Variants in MAP3K13 observed in about 807,000 individuals in gnomAD.
The protein encoded by MAP3K13 is leucine zipper-bearing kinase.
A neutral mutation model predicts 104.0 loss-of-function variants in MAP3K13; 52 were observed. The ratio of observed to expected loss-of-function variants is 0.50; its 90% CI spans 0.40 to 0.63. MAP3K13 has a LOEUF of 0.63. Ranked by LOEUF, MAP3K13 falls within the 20% of genes least tolerant of loss-of-function variation. MAP3K13 has a pLI of 0.00. For synonymous variants in MAP3K13, 394 were observed against 442.2 expected, an observed-to-expected ratio of 0.89 and a Z score of 1.37; for missense variants, 914 against 1,218.5, an observed-to-expected ratio of 0.75 and a Z score of 3.72.
At chr3:185,468,053 A>T (rs1258106794) in intron 10 of MAP3K13, among the ~76,000 whole-genome samples, 2 of 152,152 alleles carry the variant, frequency 1.3e-5, no homozygotes, top group Non-Finnish European at 2.9e-5. Context: ...CACTATCATG[A>T]GAACAGCACC....
intron 2 of MAP3K13, among the ~76,000 whole-genome samples, chr3:185,298,809 A>T (rs1721002888): frequency 6.6e-6 from 1 of 152,260 alleles, no homozygotes; most frequent in African/African-American, 2.4e-5. Flanking sequence ...GGACAAAAAA[A>T]ACATGTCTAG....
chr3:185,338,288 C>T (rs1312610845), intron 2 of MAP3K13, among the ~76,000 whole-genome samples: 2 of 148,686 alleles, frequency 1.3e-5, no homozygotes, highest in Non-Finnish European at 3.0e-5. Flanking sequence ...CAAGATCGTG[C>T]CATTGCATTC....
intron 7 of MAP3K13, among the ~76,000 whole-genome samples, chr3:185,452,515 G>T (rs935606370): frequency 7.2e-5 from 11 of 152,156 alleles, no homozygotes; most frequent in African/African-American, 2.7e-4. Context: ...GGGATTACAG[G>T]CATGAGCCAT....
intron 7 of MAP3K13, among the ~76,000 whole-genome samples, chr3:185,461,058 G>T (rs777626494): frequency 2.6e-4 from 40 of 152,062 alleles, no homozygotes; most frequent in Admixed American, 5.2e-4. Flanking sequence ...TCATTCTTTC[G>T]CCTCCTAAGG....
At chr3:185,454,968 T>G (rs1310031103) in intron 7 of MAP3K13, among the ~76,000 whole-genome samples, 2 of 67,730 alleles carry the variant, frequency 3.0e-5, no homozygotes, top group African/African-American at 5.3e-5. Flanking sequence ...ATATATGAGA[T>G]ATATATATGA....
intron 2 of MAP3K13, among the ~76,000 whole-genome samples, chr3:185,298,745 A>G (rs1560038436): frequency 6.6e-6 from 1 of 152,216 alleles, no homozygotes; most frequent in Non-Finnish European, 1.5e-5. Flanking sequence ...GTGAAGTGGC[A>G]GAAAGAAAAT....
At chr3:185,415,258 T>G (rs950928841) in intron 1 of MAP3K13, among the ~76,000 whole-genome samples, 3 of 151,736 alleles carry the variant, frequency 2.0e-5, no homozygotes, top group Admixed American at 6.6e-5. Context: ...CTTCAAGAGG[T>G]TCTCATGCCT....
rs889763491 is a variant in MAP3K13 at position 185,379,709 on chromosome 3, G to A, written c.-86+16341G>A. 4.6e-5 allele frequency among the ~76,000 whole-genome samples: 7 copies of A among 152,134 alleles called. 1 individual carries two copies. The highest frequency in any genetic ancestry group is 2.1e-4 in the South Asian group (1 of 4,818). On this transcript the variant is annotated intron_variant, in intron 1 of 13. Coordinates refer to ENST00000265026, the MANE Select transcript of MAP3K13 (RefSeq NM_004721.5). The stretch of plus-strand genomic sequence containing the variant: ...GCTGAGTCTGAAAAAGGAGTCAGCC[G>A]GATTTCTTTTGATGAGTTATACATT...
chr3:185,309,345 A>C lies in MAP3K13; in HGVS notation c.-86+23702A>C, dbSNP rs1424339183. Reference sequence around the variant, plus strand: ...CAACATGGTGAAACCCTGCCTCTACAAAAAGAAAAAATAAATTAGCTGGGT... The same window carrying C: ...CAACATGGTGAAACCCTGCCTCTACCAAAAGAAAAAATAAATTAGCTGGGT... On this transcript the variant is annotated intron_variant, in intron 2 of 14. Coordinates refer to the MAP3K13 transcript ENST00000424227. Among the ~76,000 whole-genome samples the C allele has an allele frequency of 2.0e-5, 3 of 152,058 alleles. No individual in the cohort carries two copies. The East Asian group carries it at 5.8e-4, about 29-fold the overall frequency.
chr3:185,433,987 AT>A (rs140052815), intron 2 of MAP3K13, among the ~76,000 whole-genome samples: 113,848 of 151,730 alleles, frequency 0.75, 44,479 homozygotes, highest in Non-Finnish European at 0.87. Flanking sequence ...GTGGAAAAAA[AT>A]AATTTATATC....
At chr3:185,384,299 T>C (rs996580307) in intron 1 of MAP3K13, among the ~76,000 whole-genome samples, 1 of 132,088 alleles carries the variant, frequency 7.6e-6, no homozygotes, top group Non-Finnish European at 1.6e-5. Context: ...GACTAAATAG[T>C]ATTCCATTCT....
At position 185,454,346 on chromosome 3, in the gene MAP3K13, G is replaced by GAT. The variant is rs577946457; in HGVS notation, c.1278+2956_1278+2957dup. The stretch of plus-strand genomic sequence containing the variant: ...TATGAGATATATATGATATATATGA[G>GAT]ATATATGAGATATATATGAGATATA... On this transcript the variant is annotated intron_variant, in intron 7 of 13. Transcript: ENST00000265026. Among the ~76,000 whole-genome samples the GAT allele has an allele frequency of 8.9e-5, 4 of 44,926 alleles. 2 individuals carry two copies. The highest frequency in any genetic ancestry group is 2.5e-4 in the African/African-American group (4 of 15,830). 29.5% of individuals were successfully genotyped at this position (44,926 alleles called of 152,430 possible).
At chr3:185,358,096 T>G (rs1407810191) in intron 2 of MAP3K13, among the ~76,000 whole-genome samples, 1 of 152,160 alleles carries the variant, frequency 6.6e-6, no homozygotes, top group East Asian at 1.9e-4. Context: ...AAAGAATGTA[T>G]ATAATAAGGT....
intron 1 of MAP3K13, among the ~76,000 whole-genome samples, chr3:185,394,977 G>C (rs541003607): frequency 7.9e-5 from 12 of 152,252 alleles, no homozygotes; most frequent in Non-Finnish European, 1.6e-4. Flanking sequence ...TGACTTCATG[G>C]AAGTTGATAT....
intron 1 of MAP3K13, among the ~76,000 whole-genome samples, chr3:185,413,797 G>C (rs1425396824): frequency 6.6e-6 from 1 of 152,054 alleles, no homozygotes; most frequent in Non-Finnish European, 1.5e-5. Context: ...ACTCCAGCCT[G>C]GGCGACAGAG....
chr3:185,451,714 A>G (rs1239022793), intron 7 of MAP3K13, among the ~76,000 whole-genome samples: 1 of 151,990 alleles, frequency 6.6e-6, no homozygotes, highest in Non-Finnish European at 1.5e-5. Context: ...CTAAAAATAC[A>G]AAATTAGCCA....
chr3:185,340,730 TAGTG>T (rs1432041552), intron 2 of MAP3K13, among the ~76,000 whole-genome samples: 1 of 152,058 alleles, frequency 6.6e-6, no homozygotes, highest in African/African-American at 2.4e-5. Context: ...GTTCTTGTGA[TAGTG>T]AGTAAGTCTC....
chr3:185,452,763 C>T (rs1319943569), intron 7 of MAP3K13, among the ~76,000 whole-genome samples: 3 of 152,288 alleles, frequency 2.0e-5, no homozygotes, highest in East Asian at 1.9e-4. Flanking sequence ...TTCTCCTCCA[C>T]GTGGCCTCTA....
At chr3:185,284,023 C>T (rs1455991827) in intron 1 of MAP3K13, among the ~76,000 whole-genome samples, 15 of 151,522 alleles carry the variant, frequency 9.9e-5, no homozygotes, top group Admixed American at 9.9e-4. Flanking sequence ...CTCAGCCTCC[C>T]GAGTAGCTGG....
Sources: gnomAD v4.1 joint callset for allele counts (sites outside exome capture counted in the v4.1 genomes callset) on GRCh38, gnomAD v4.1.1 for gene constraint, MANE v1.5 for transcripts, NCBI Gene and HGNC (gene_info 2026-07-23, HGNC 2026-07-21) for gene names.